The following FAM135B variants were observed in gnomAD, a reference collection of about 807,000 sequenced individuals.
The protein encoded by FAM135B is family with sequence similarity 135 member B.
In FAM135B, 43 loss-of-function variants were observed where a neutral mutation model predicts 127.7. The ratio of observed to expected loss-of-function variants is 0.34; its 90% confidence interval spans 0.26 to 0.43. FAM135B has a LOEUF of 0.43. Ranked by LOEUF, FAM135B falls within the 20% of genes least tolerant of loss-of-function variation. FAM135B has a pLI of 1.00. For missense variants in FAM135B, 1,558 were observed against 1,725.6 expected (o/e 0.90, Z 1.72); for synonymous variants, 670 against 665.1 (o/e 1.01, Z -0.11).
chr8:138,336,553 C>T (rs941826885), intron 2 of FAM135B, among the ~76,000 whole-genome samples: 1 of 152,104 alleles, frequency 6.6e-6, no homozygotes, highest in African/African-American at 2.4e-5. Flanking sequence ...CAAGACTAAA[C>T]CAGGAAGAAG....
At chr8:138,390,556 T>C (rs1303442892) in intron 1 of FAM135B, among the ~76,000 whole-genome samples, 2 of 152,234 alleles carry the variant, frequency 1.3e-5, no homozygotes, top group Non-Finnish European at 2.9e-5. Context: ...TAGTGTCCTA[T>C]ACTTTATCTT....
rs143774221 is a variant in FAM135B, at chr8:138,339,358, AAT to A, written c.78-28440_78-28439del. Among the ~76,000 whole-genome samples, 227 of 147,746 alleles carry A rather than the reference AAT, an allele frequency of 1.5e-3. 1 individual carries two copies. Among genetic ancestry groups the A allele is most frequent in the East Asian group, 0.011 (56 of 4,942 alleles). On this transcript the variant is annotated intron_variant, in intron 2 of 19. Coordinates refer to ENST00000395297, the MANE Select transcript of FAM135B (RefSeq NM_015912.4). The stretch of plus-strand genomic sequence containing the variant: ...TGCATCCTGTTTAAAAAACTAACTA[AAT>A]ATATATATATATATATATATATATT...
chr8:138,483,956 T>C (rs1814888314), intron 1 of FAM135B, among the ~76,000 whole-genome samples: 1 of 152,186 alleles, frequency 6.6e-6, no homozygotes, highest in Non-Finnish European at 1.5e-5. Flanking sequence ...AATGAAGCCA[T>C]ACAAATAAGA....
At chr8:138,148,783 A>G (rs1425807272) in intron 13 of FAM135B, 97 bp from the exon 14 acceptor site, 12 of 860,172 alleles carry the variant, frequency 1.4e-5, no homozygotes. Context: ...AGCACCCACA[A>G]GCAAAGTGCC....
At chr8:138,156,501 T>A (rs952361823) in intron 12 of FAM135B, among the ~76,000 whole-genome samples, 1 of 135,278 alleles carries the variant, frequency 7.4e-6, no homozygotes, top group Non-Finnish European at 1.6e-5. Flanking sequence ...AATCAACGAA[T>A]CCAGGAGTTG....
intron 1 of FAM135B, among the ~76,000 whole-genome samples, chr8:138,423,051 T>G (rs944044886): frequency 6.6e-6 from 1 of 152,022 alleles, no homozygotes; most frequent in Non-Finnish European, 1.5e-5. Context: ...TACTTATAAG[T>G]GGGAGTTAAA....
chr8:138,461,401 A>G (rs890043077), intron 1 of FAM135B, among the ~76,000 whole-genome samples: 1 of 152,196 alleles, frequency 6.6e-6, no homozygotes, highest in African/African-American at 2.4e-5. Context: ...TAGTGAAGAG[A>G]TTACAAAAAT....
chr8:138,464,281 C>T (rs975668620), intron 1 of FAM135B, among the ~76,000 whole-genome samples: 9 of 152,112 alleles, frequency 5.9e-5, no homozygotes, highest in African/African-American at 2.2e-4. Context: ...TTCTTCACTC[C>T]CTCCTGAGAC....
intron 1 of FAM135B, among the ~76,000 whole-genome samples, chr8:138,406,113 C>T (rs7821636): frequency 0.58 from 82,795 of 141,930 alleles, 26,301 homozygotes; most frequent in African/African-American, 0.83. Context: ...TTCTGGATAT[C>T]AGCCCTTTGT....
intron 11 of FAM135B, among the ~76,000 whole-genome samples, chr8:138,172,037 T>C (rs1416701852): frequency 6.6e-6 from 1 of 152,218 alleles, no homozygotes; most frequent in Non-Finnish European, 1.5e-5. Context: ...TTTACGTGTA[T>C]GTGTTTTCTG....
intron 4 of FAM135B, among the ~76,000 whole-genome samples, chr8:138,264,685 GAATA>G (rs1177833449): frequency 1.3e-5 from 2 of 152,144 alleles, no homozygotes; most frequent in Admixed American, 1.3e-4. Flanking sequence ...ATTTTTGAAA[GAATA>G]GATAGGTTAA....
At chr8:138,163,711 T>TA (rs1306901423) in intron 12 of FAM135B, among the ~76,000 whole-genome samples, 25 of 152,314 alleles carry the variant, frequency 1.6e-4, no homozygotes, top group African/African-American at 5.3e-4. Flanking sequence ...TTTTTCTTTA[T>TA]AAGTTACCCA....
chr8:138,474,513 C>A (rs538371082), intron 1 of FAM135B, among the ~76,000 whole-genome samples: 1 of 152,228 alleles, frequency 6.6e-6, no homozygotes, highest in South Asian at 2.1e-4. Flanking sequence ...AAGATGCAAG[C>A]TTGTTGGGGA....
intron 3 of FAM135B, among the ~76,000 whole-genome samples, chr8:138,301,949 C>A (rs1383439221): frequency 6.6e-6 from 1 of 152,248 alleles, no homozygotes; most frequent in Non-Finnish European, 1.5e-5. Flanking sequence ...CAGTGCCTGG[C>A]ACACAGGAGG....
chr8:138,209,846 G>A (rs1818002859), intron 7 of FAM135B, among the ~76,000 whole-genome samples: 1 of 152,174 alleles, frequency 6.6e-6, no homozygotes, highest in Admixed American at 6.5e-5. Flanking sequence ...TACAAATGTA[G>A]AATTCCAAAA....
chr8:138,434,255 T>C (rs948777851), intron 1 of FAM135B, among the ~76,000 whole-genome samples: 7 of 152,228 alleles, frequency 4.6e-5, no homozygotes, highest in Non-Finnish European at 1.5e-5. Context: ...TGTCTAAATA[T>C]GAATCTAATG....
intron 1 of FAM135B, among the ~76,000 whole-genome samples, chr8:138,409,332 A>G (rs747937388): frequency 6.6e-5 from 10 of 152,184 alleles, no homozygotes; most frequent in Non-Finnish European, 1.3e-4. Flanking sequence ...ACGGTCTTAC[A>G]TGGGCATGCT....
At chr8:138,339,901 C>T (rs968650550) in intron 2 of FAM135B, among the ~76,000 whole-genome samples, 7 of 152,102 alleles carry the variant, frequency 4.6e-5, no homozygotes, top group African/African-American at 1.2e-4. Flanking sequence ...GGAGTGGAAG[C>T]GTGGGGGCTG....
chr8:138,339,675 C>T (rs938363285), intron 2 of FAM135B, among the ~76,000 whole-genome samples: 4 of 152,278 alleles, frequency 2.6e-5, no homozygotes, highest in African/African-American at 9.6e-5. Context: ...TTAGAGCATT[C>T]CATCAGCTGA....
Sources: allele counts gnomAD v4.1 joint callset (sites outside exome capture counted in the v4.1 genomes callset), GRCh38; gene constraint gnomAD v4.1.1; transcripts MANE v1.5; gene names NCBI Gene and HGNC (gene_info 2026-07-23, HGNC 2026-07-21).